Variants in CWF19L2 observed in about 807,000 individuals in gnomAD.
CWF19L2 encodes CWF19-like protein 2.
CWF19L2 carries 98 observed loss-of-function variants against 111.7 expected under a neutral mutation model. The observed-to-expected ratio is 0.88, with a 90% CI of 0.75 to 1.04. The LOEUF (loss-of-function observed/expected upper bound fraction) is 1.04, where lower values mean the gene tolerates loss of function less well. Ranked by LOEUF, CWF19L2 falls within the 50% of genes least tolerant of loss-of-function variation. The pLI, the probability that CWF19L2 is intolerant of heterozygous loss-of-function variation, is 0.00. For missense variants in CWF19L2, 1,101 were observed against 1,051.4 expected (o/e 1.05, Z -0.65); for synonymous variants, 351 against 342.9 (o/e 1.02, Z -0.26).
chr11:107,381,014 G>GCAAATT (rs1246388633), intron 12 of CWF19L2, among the ~76,000 whole-genome samples: 3 of 152,128 alleles, frequency 2.0e-5, no homozygotes, highest in Non-Finnish European at 4.4e-5. Context: ...CCTAGAACAG[G>GCAAATT]CAAATTCACA....
chr11:107,332,754 A>T (rs749443563), intron 16 of CWF19L2, among the ~76,000 whole-genome samples: 29 of 151,950 alleles, frequency 1.9e-4, no homozygotes, highest in Non-Finnish European at 4.0e-4. Flanking sequence ...CCAAAAAGTG[A>T]CCTCCTTTGG....
chr11:107,385,758 T>TC (rs1381624421), intron 12 of CWF19L2, among the ~76,000 whole-genome samples: 3 of 152,034 alleles, frequency 2.0e-5, no homozygotes, highest in East Asian at 1.9e-4. Context: ...TTCTACTCCA[T>TC]CCCCCCCAGG....
At chr11:107,331,112 G>T (rs1859843895) in intron 16 of CWF19L2, among the ~76,000 whole-genome samples, 1 of 152,168 alleles carries the variant, frequency 6.6e-6, no homozygotes, top group Admixed American at 6.6e-5. Context: ...GATACCATTT[G>T]TGGCTTTAAT....
intron 12 of CWF19L2, among the ~76,000 whole-genome samples, chr11:107,355,410 C>T (rs974941387): frequency 2.7e-5 from 2 of 73,486 alleles, no homozygotes; most frequent in Non-Finnish European, 5.2e-5. Context: ...AGCGAAACTC[C>T]GTCTCAAAAA....
chr11:107,439,795 G>A (rs1861595401), intron 5 of CWF19L2, among the ~76,000 whole-genome samples: 1 of 152,124 alleles, frequency 6.6e-6, no homozygotes, highest in African/African-American at 2.4e-5. Flanking sequence ...GAATAATCAG[G>A]GACTGGGCCA....
At chr11:107,390,445 G>C (rs1400377518) in intron 11 of CWF19L2, among the ~76,000 whole-genome samples, 1 of 152,084 alleles carries the variant, frequency 6.6e-6, no homozygotes, top group East Asian at 1.9e-4. Flanking sequence ...AGCATGATAT[G>C]ATCTGCTTTC....
chr11:107,405,660 C>G (rs1861066079), intron 10 of CWF19L2, among the ~76,000 whole-genome samples: 1 of 151,872 alleles, frequency 6.6e-6, no homozygotes, highest in Non-Finnish European at 1.5e-5. Context: ...AGTATAATCC[C>G]TAAAAGAAGG....
intron 14 of CWF19L2, among the ~76,000 whole-genome samples, chr11:107,337,452 G>C (rs566873962): frequency 1.1e-4 from 16 of 151,940 alleles, no homozygotes; most frequent in African/African-American, 3.9e-4. Context: ...TTTGTAGAGG[G>C]TGACTGAATA....
At chr11:107,435,563 A>C (rs959029461) in intron 6 of CWF19L2, among the ~76,000 whole-genome samples, 1 of 152,170 alleles carries the variant, frequency 6.6e-6, no homozygotes, top group South Asian at 2.1e-4. Context: ...AGGAAATCCA[A>C]TGGGAGTAAA....
intron 10 of CWF19L2, among the ~76,000 whole-genome samples, chr11:107,405,671 G>A (rs1052134376): frequency 1.3e-5 from 2 of 152,016 alleles, no homozygotes; most frequent in African/African-American, 4.8e-5. Flanking sequence ...TAAAAGAAGG[G>A]AAAGAAATGA....
intron 10 of CWF19L2, among the ~76,000 whole-genome samples, chr11:107,411,202 C>A (rs1217611795): frequency 6.6e-6 from 1 of 151,988 alleles, no homozygotes; most frequent in Non-Finnish European, 1.5e-5. Flanking sequence ...TCTGTTAATT[C>A]TATAAAGATC....
Position 107,455,750 on chromosome 11 carries a change from T to A in CWF19L2, c.132A>T (p.Glu44Asp). The A allele has an allele frequency of 6.4e-7, 1 of 1,550,992 alleles. No individual in the cohort carries two copies. Among genetic ancestry groups the A allele is most frequent in the Non-Finnish European group, 8.7e-7 (1 of 1,146,646 alleles). ...RQAKANFEKE[E>D]RRKELKRLRG... ...GAAGTCGCTTAAGTTCTTTACGCCT[T>A]TCTTCTTTTTCAAAATTGGCTTTAG... The change falls in exon 2 of 18, where the codon GAA (glutamate) becomes GAT (aspartate). Residue 44 changes from glutamate (E) to aspartate (D), a missense_variant. Transcript: ENST00000282251.
rs1294467470 is a variant in CWF19L2, at chr11:107,429,111, T to C, written c.1121A>G (p.Asp374Gly). The change falls in exon 8 of 18, where the codon GAT (aspartate) becomes GGT (glycine). Residue 374 changes from aspartate (D) to glycine (G), a missense_variant. By Grantham distance (94) the Asp-to-Gly change is moderately conservative. Transcript: ENST00000282251. ...CTTGCTGTGAAATGACAGTTCTTCA[T>C]CATCAGAGGGTCTCAAGAATTTAGC... ...LRAKFLRPSDDEELSFHSKGR... is the reference protein window; with the variant it reads ...LRAKFLRPSDGEELSFHSKGR... The C allele has an allele frequency of 3.1e-6, 5 of 1,613,776 alleles. No homozygotes were observed. Among genetic ancestry groups the C allele is most frequent in the Non-Finnish European group, 4.2e-6 (5 of 1,179,848 alleles).
intron 3 of CWF19L2, among the ~76,000 whole-genome samples, chr11:107,445,634 T>C (rs992335596): frequency 2.7e-5 from 4 of 149,596 alleles, no homozygotes; most frequent in African/African-American, 7.4e-5. Flanking sequence ...TAGCCCTAGA[T>C]CAGATCTTAT....
At chr11:107,351,341 T>C (rs1301267287) in intron 13 of CWF19L2, among the ~76,000 whole-genome samples, 1 of 152,058 alleles carries the variant, frequency 6.6e-6, no homozygotes, top group Non-Finnish European at 1.5e-5. Flanking sequence ...AACTGGAGGA[T>C]GAAAGTGACA....
At chr11:107,386,141 A>T (rs193215684) in intron 12 of CWF19L2, among the ~76,000 whole-genome samples, 1 of 152,170 alleles carries the variant, frequency 6.6e-6, no homozygotes, top group Non-Finnish European at 1.5e-5. Flanking sequence ...AGCTTCCTGC[A>T]TAGCTGAAAC....
chr11:107,446,765 G>A (rs1190877386), intron 3 of CWF19L2, among the ~76,000 whole-genome samples: 3 of 151,344 alleles, frequency 2.0e-5, no homozygotes, highest in African/African-American at 7.3e-5. Flanking sequence ...GCACTAGTCA[G>A]AAACTTTTAA....
At chr11:107,340,779 T>G (rs969378682) in intron 14 of CWF19L2, among the ~76,000 whole-genome samples, 2 of 152,248 alleles carry the variant, frequency 1.3e-5, no homozygotes, top group African/African-American at 4.8e-5. Context: ...TGAGGAAGAC[T>G]GTCATCTTTA....
intron 10 of CWF19L2, among the ~76,000 whole-genome samples, chr11:107,415,856 T>C (rs1307288374): frequency 6.6e-6 from 1 of 152,100 alleles, no homozygotes; most frequent in African/African-American, 2.4e-5. Context: ...TCAGCACTTT[T>C]GGAGGTTGAG....
Sources: allele counts gnomAD v4.1 joint callset (sites outside exome capture counted in the v4.1 genomes callset), GRCh38; gene constraint gnomAD v4.1.1; transcripts MANE v1.5; gene names NCBI Gene and HGNC (gene_info 2026-07-23, HGNC 2026-07-21).